The following TNRC6B variants were observed in gnomAD, a reference collection of about 807,000 sequenced individuals.
TNRC6B encodes the protein trinucleotide repeat-containing gene 6B protein.
A neutral mutation model predicts 203.6 loss-of-function variants in TNRC6B; 52 were observed. The ratio of observed to expected loss-of-function variants is 0.26; its 90% CI spans 0.20 to 0.32. The LOEUF (loss-of-function observed/expected upper bound fraction) is 0.32. Ranked by LOEUF, TNRC6B falls within the 10% of genes least tolerant of loss-of-function variation. The pLI is 1.00. For synonymous variants in TNRC6B, 838 were observed against 845.7 expected (o/e 0.99, Z 0.16); for missense variants, 1,923 against 2,286.2 (o/e 0.84, Z 3.24).
rs1241288205 is a variant in TNRC6B at position 40,324,975 on chromosome 22, C to G, written c.*1734C>G. ...TACTTATGTCGGAATCAAAATGTATCAAACTGCTTATTGTGAAGAGAATTA... is the reference window on the plus strand; with the variant it reads ...TACTTATGTCGGAATCAAAATGTATGAAACTGCTTATTGTGAAGAGAATTA... On this transcript the variant is annotated 3_prime_UTR_variant, in exon 23 of 23. Coordinates refer to ENST00000454349, the MANE Select transcript of TNRC6B (RefSeq NM_001162501.2). 1 of 152,110 alleles carries G rather than the reference C, an allele frequency of 6.6e-6. No homozygotes were observed. Among genetic ancestry groups the G allele is most frequent in the African/African-American group, 2.4e-5 (1 of 41,208 alleles). 9.4% of individuals were successfully genotyped at this position (152,110 alleles called of 1,614,324 possible).
intron 12 of TNRC6B, among the ~76,000 whole-genome samples, chr22:40,299,158 C>CAAAAAAAAAAAAAAAAAAAA (rs796432826): frequency 9.7e-6 from 1 of 103,066 alleles, no homozygotes; most frequent in African/African-American, 3.9e-5. Context: ...AAAAAAAAAA[C>CAAAAAAAAAAAAAAAAAAAA]AAAAAAAAAA....
rs2071464806 is a variant in TNRC6B, at chr22:40,331,462, TC to T, written c.*8223del. On this transcript the variant is annotated 3_prime_UTR_variant, in exon 23 of 23. Transcript: ENST00000454349. The stretch of plus-strand genomic sequence containing the variant: ...AAATGCTAAGGGCCATTTCCATGAT[TC>T]CTCAGAGCTCCCCCAAAGAGGAGAA... 3.7e-5 allele frequency: 13 copies of T among 355,834 alleles called. No individual in the cohort carries two copies. The highest frequency in any genetic ancestry group is 7.1e-4 in the Middle Eastern group (1 of 1,410). 22.0% of individuals were successfully genotyped at this position (355,834 alleles called of 1,614,324 possible). A position where few individuals can be genotyped will look rare whatever the true frequency, so the allele number is the denominator to read the frequency against.
chr22:40,083,626 A>G (rs1447335317), intron 1 of TNRC6B, among the ~76,000 whole-genome samples: 3 of 152,146 alleles, frequency 2.0e-5, no homozygotes, highest in Non-Finnish European at 4.4e-5. Context: ...GATCCAGGAA[A>G]CAGTGAGTGA....
In TNRC6B at chr22:40,274,057, C is replaced by T. The variant is rs534667203; in HGVS notation, c.3141+457C>T. ...AAATAACTACTTCCCTTTTACCCTT[C>T]GTCTTGCTTTCCCATGACCTTGAAA... On this transcript the variant is annotated intron_variant, in intron 7 of 22. Transcript: ENST00000454349. 3.3e-4 allele frequency among the ~76,000 whole-genome samples: 51 copies of T among 152,296 alleles called. No individual in the cohort carries two copies. In the South Asian group the frequency reaches 9.7e-3, roughly 29 times the overall value.
chr22:40,252,839 A>G (rs2070214317), intron 3 of TNRC6B, among the ~76,000 whole-genome samples: 1 of 152,172 alleles, frequency 6.6e-6, no homozygotes, highest in Admixed American at 6.5e-5. Context: ...CTTTCTAGAA[A>G]AGGATTTGGG....
chr22:40,174,445 T>G (rs1034324221), upstream of TNRC6B, among the ~76,000 whole-genome samples: 1 of 152,126 alleles, frequency 6.6e-6, no homozygotes, highest in African/African-American at 2.4e-5. Context: ...CGTCCCAAAG[T>G]GCTGGGATTA....
At chr22:40,278,193 G>A in intron 9 of TNRC6B, 149 bp downstream of exon 9, 1 of 655,278 alleles carries the variant, frequency 1.5e-6, no homozygotes. Context: ...TAGACACTGG[G>A]CAGGGATAGA....
intron 1 of TNRC6B, among the ~76,000 whole-genome samples, chr22:40,068,378 C>T (rs1173693584): frequency 6.6e-6 from 1 of 152,042 alleles, no homozygotes; most frequent in Admixed American, 6.5e-5. Flanking sequence ...AGTGCAGTGG[C>T]GCAATCTCGG....
rs554966920 is a variant in TNRC6B at position 40,111,520 on chromosome 22, A to C, written c.-120-5535A>C. On this transcript the variant is annotated intron_variant, in intron 1 of 23. Coordinates refer to the TNRC6B transcript ENST00000301923. Reference sequence around the variant, plus strand: ...AAGCAGGGCAGTCAGTGGCAGTAGGAATAAGGAAGTATATACTAGAATAGT... The same window carrying C: ...AAGCAGGGCAGTCAGTGGCAGTAGGCATAAGGAAGTATATACTAGAATAGT... Among the ~76,000 whole-genome samples, 9 of 152,320 alleles carry C rather than the reference A, an allele frequency of 5.9e-5. No homozygotes were observed. The East Asian group carries it at 1.7e-3, about 29-fold the overall frequency.
At chr22:40,158,024 T>C (rs1013532370) in intron 4 of TNRC6B, among the ~76,000 whole-genome samples, 2 of 152,084 alleles carry the variant, frequency 1.3e-5, no homozygotes, top group Non-Finnish European at 2.9e-5. Context: ...ACTGCAGTTG[T>C]CAAAATCAAA....
At chr22:40,280,952 G>A (rs1415667355) in intron 10 of TNRC6B, among the ~76,000 whole-genome samples, 167 bp from the exon 11 acceptor site, 1 of 152,234 alleles carries the variant, frequency 6.6e-6, no homozygotes, top group Non-Finnish European at 1.5e-5. Flanking sequence ...GATGGTGTCT[G>A]TTGGGCCAAG....
rs2071428165 is a variant in TNRC6B at position 40,328,407 on chromosome 22, A to G, written c.*5166A>G. On this transcript the variant is annotated 3_prime_UTR_variant, in exon 23 of 23. Coordinates refer to ENST00000454349, the MANE Select transcript of TNRC6B (RefSeq NM_001162501.2). ...TGGTATAGAAGGTATGCAAGAGGAAAAAGAAAGGAAAAGATAAAACTCCTG... is the reference window on the plus strand; with the variant it reads ...TGGTATAGAAGGTATGCAAGAGGAAGAAGAAAGGAAAAGATAAAACTCCTG... 6.6e-6 allele frequency: 1 copy of G among 152,240 alleles called. No individual in the cohort carries two copies. The highest frequency in any genetic ancestry group is 2.1e-4 in the South Asian group (1 of 4,836). The allele number at this position is 152,240 out of a possible 1,614,324, so 9.4% of individuals were successfully genotyped here. A position where few individuals can be genotyped will look rare whatever the true frequency, so the allele number is the denominator to read the frequency against.
chr22:40,158,606 T>G (rs955206543), intron 4 of TNRC6B, among the ~76,000 whole-genome samples: 1 of 152,208 alleles, frequency 6.6e-6, no homozygotes. Context: ...CAAACTGTAC[T>G]TCTTTGAGAG....
chr22:40,229,128 G>T (rs997749694), intron 1 of TNRC6B, among the ~76,000 whole-genome samples: 3 of 152,186 alleles, frequency 2.0e-5, no homozygotes, highest in Admixed American at 6.5e-5. Flanking sequence ...GGAAAGTTCA[G>T]TGAAGATGCT....
chr22:40,097,156 G>A (rs1235103630), intron 1 of TNRC6B, among the ~76,000 whole-genome samples: 1 of 152,158 alleles, frequency 6.6e-6, no homozygotes, highest in Non-Finnish European at 1.5e-5. Flanking sequence ...GAAGGCTTTT[G>A]AACTTGTTGA....
chr22:40,315,228 T>G, intron 19 of TNRC6B, 55 bp from the exon 20 acceptor site: 1 of 1,434,594 alleles, frequency 7.0e-7, no homozygotes, highest in Non-Finnish European at 9.7e-7. Context: ...TGTGTATTTG[T>G]CAACAAAAGT....
chr22:40,141,028 A>G (rs755064090), intron 3 of TNRC6B, among the ~76,000 whole-genome samples: 27 of 152,280 alleles, frequency 1.8e-4, no homozygotes, highest in Middle Eastern at 3.4e-3. Context: ...AAGATGTAGC[A>G]AAGTACAGAG....
At chr22:40,242,533 C>T (rs938451626) in intron 1 of TNRC6B, among the ~76,000 whole-genome samples, 2 of 151,666 alleles carry the variant, frequency 1.3e-5, no homozygotes, top group African/African-American at 2.4e-5. Context: ...CAGGTTCAAG[C>T]GATTGTCCTG....
In TNRC6B at chr22:40,281,184, C is replaced by T; in HGVS notation, c.3477C>T (p.Ser1159=). 1 of 1,551,508 alleles carries T rather than the reference C, an allele frequency of 6.4e-7. No homozygotes were observed. Among genetic ancestry groups the T allele is most frequent in the South Asian group, 1.2e-5 (1 of 84,034 alleles). ...ATGAGGCTCCCTGCTCTCCCTTCTC[C>T]CCTTCTCCCAGCTACAAGCTGTCTC... ...LGDEAPCSPF[S]PSPSYKLSPS... The change falls in exon 11 of 23, where the codon TCC becomes TCT. Residue 1159 remains serine (S), a synonymous_variant. Transcript: ENST00000454349.
Sources: gnomAD v4.1 joint callset for allele counts (sites outside exome capture counted in the v4.1 genomes callset) on GRCh38, gnomAD v4.1.1 for gene constraint, MANE v1.5 for transcripts, NCBI Gene and HGNC (gene_info 2026-07-23, HGNC 2026-07-21) for gene names.